The following JAKMIP3 variants were observed in gnomAD, a reference collection of about 807,000 sequenced individuals.
JAKMIP3 encodes the protein janus kinase and microtubule-interacting protein 3.
A neutral mutation model predicts 118.5 loss-of-function variants in JAKMIP3; 58 were observed. The ratio of observed to expected loss-of-function variants is 0.49; its 90% CI spans 0.40 to 0.61. The LOEUF is 0.61. JAKMIP3 is among the 20% of genes least tolerant of loss of function. The probability of loss-of-function intolerance (pLI) is 0.00; values close to 1 mark genes in which losing one functional copy is unlikely to be tolerated. For missense variants in JAKMIP3, 950 were observed against 1,109.0 expected, an observed-to-expected ratio of 0.86 and a Z score of 2.04; for synonymous variants, 486 against 451.2, an observed-to-expected ratio of 1.08 and a Z score of -0.98.
chr10:132,149,392 C>G lies in JAKMIP3; in HGVS notation c.1849-20C>G. 6.5e-7 allele frequency: 1 copy of G among 1,540,310 alleles called. No homozygotes were observed. The highest frequency in any genetic ancestry group is 8.9e-7 in the Non-Finnish European group (1 of 1,126,720). The stretch of plus-strand genomic sequence containing the variant: ...AGGGATGGGAGGGGAGCGGCTCACC[C>G]TTCTGTCCCTCTGTCCTAGGAGAGG... On this transcript the variant is annotated intron_variant, in intron 14 of 23. Transcript: ENST00000684848.
intron 1 of JAKMIP3, among the ~76,000 whole-genome samples, chr10:132,099,681 C>T (rs941002096): frequency 7.9e-5 from 12 of 152,320 alleles, no homozygotes; most frequent in East Asian, 5.8e-4. Context: ...GTGTGTAAGA[C>T]GCCAAGTGCT....
At chr10:132,039,773 G>C in intron 1 of JAKMIP3, among the ~76,000 whole-genome samples, 1 of 151,852 alleles carries the variant, frequency 6.6e-6, no homozygotes, top group East Asian at 1.9e-4. Flanking sequence ...CTCCTCTCTC[G>C]GCCTCCAGCC....
chr10:132,133,584 T>C, intron 4 of JAKMIP3, 57 bp downstream of exon 4: 2 of 1,447,834 alleles, frequency 1.4e-6, no homozygotes, highest in Non-Finnish European at 1.9e-6. Context: ...CCTGGCCATG[T>C]GGCTGCATGG....
chr10:132,117,924 G>A lies in JAKMIP3; in HGVS notation c.633+350G>A, dbSNP rs1052045107. Among the ~76,000 whole-genome samples, 16 of 152,140 alleles carry A rather than the reference G, an allele frequency of 1.1e-4. No individual in the cohort carries two copies. The highest frequency in any genetic ancestry group is 1.5e-5 in the Non-Finnish European group (1 of 68,030). On this transcript the variant is annotated intron_variant, in intron 3 of 23. Transcript: ENST00000684848. This position sits in a 1 kb window ranked among gnomAD's most constrained non-coding sequence, Gnocchi z 8.6. The stretch of plus-strand genomic sequence containing the variant: ...TCGGCACTGCCCATCCACACCGCAG[G>A]GTTCACGGACATCTCTTCTTAGTGT...
At chr10:132,078,141 C>G (rs1228541440) in intron 1 of JAKMIP3, among the ~76,000 whole-genome samples, 1 of 152,150 alleles carries the variant, frequency 6.6e-6, no homozygotes, top group Non-Finnish European at 1.5e-5. Flanking sequence ...CTTTTGTTAC[C>G]TTGTTTGTAA....
intron 1 of JAKMIP3, among the ~76,000 whole-genome samples, chr10:132,088,008 T>C (rs1305728591): frequency 1.3e-5 from 2 of 152,134 alleles, no homozygotes; most frequent in African/African-American, 2.4e-5. Context: ...GTTTCCAGCT[T>C]CATCCATGTC....
chr10:132,141,196 A>C (rs183233652), intron 10 of JAKMIP3, among the ~76,000 whole-genome samples: 1 of 152,310 alleles, frequency 6.6e-6, no homozygotes, highest in Admixed American at 6.5e-5. Flanking sequence ...CTCCCGTGGC[A>C]GACCCTGGAG....
chr10:132,070,060 G>C (rs1207595816), intron 1 of JAKMIP3, among the ~76,000 whole-genome samples: 1 of 152,178 alleles, frequency 6.6e-6, no homozygotes, highest in South Asian at 2.1e-4. Context: ...GTACCACCCT[G>C]TGGGGGCTTC....
chr10:132,133,426 C>G lies in JAKMIP3; in HGVS notation c.748C>G (p.Leu250Val). The change falls in exon 4 of 24, where the codon CTG becomes GTG. Residue 250 changes from leucine to valine, a missense_variant. Transcript: ENST00000684848. ...QLQKEALDEQ[L>V]SQVREADRHP... ...CCAAAAAGAGGCTCTAGATGAGCAG[C>G]TGTCCCAGGTCCGAGAGGCCGACCG... The G allele has an allele frequency of 6.3e-7, 1 of 1,593,178 alleles. No homozygotes were observed. Among genetic ancestry groups the G allele is most frequent in the Non-Finnish European group, 8.5e-7 (1 of 1,170,242 alleles).
chr10:132,082,765 C>T (rs2041940097), intron 1 of JAKMIP3, among the ~76,000 whole-genome samples: 1 of 152,172 alleles, frequency 6.6e-6, no homozygotes, highest in South Asian at 2.1e-4. Flanking sequence ...CGCCTGCCAC[C>T]ATGCCCGGCT....
At chr10:132,039,626 C>G (rs2037653086) in intron 1 of JAKMIP3, among the ~76,000 whole-genome samples, 1 of 152,210 alleles carries the variant, frequency 6.6e-6, no homozygotes, top group African/African-American at 2.4e-5. Context: ...CATCTGTGCA[C>G]TCCAGAGAGG....
rs2048004458 is a variant in JAKMIP3 at position 132,118,121 on chromosome 10, G to C, written c.633+547G>C. 6.6e-6 allele frequency among the ~76,000 whole-genome samples: 1 copy of C among 152,150 alleles called. No individual in the cohort carries two copies. Among genetic ancestry groups the C allele is most frequent in the Non-Finnish European group, 1.5e-5 (1 of 68,026 alleles). On this transcript the variant is annotated intron_variant, in intron 3 of 23. Coordinates refer to ENST00000684848, the MANE Select transcript of JAKMIP3 (RefSeq NM_001323087.2). The surrounding 1 kb of genome is among the most constrained non-coding windows in gnomAD (Gnocchi z 4.8). ...GGGTGGGATGGCCCCCAGCTGCCCT[G>C]AGGTCCCTGTCTCTGCAGAACCGTT...
At chr10:132,103,491 G>A (rs1200465801) in intron 1 of JAKMIP3, among the ~76,000 whole-genome samples, 3 of 133,046 alleles carry the variant, frequency 2.3e-5, no homozygotes, top group Non-Finnish European at 4.8e-5. Context: ...AAGAGCACCT[G>A]GGGGAGAGGA....
rs778944502 is a variant in JAKMIP3 at position 132,104,883 on chromosome 10, C to T, written c.75C>T (p.Asn25=). 2.3e-5 allele frequency: 36 copies of T among 1,575,868 alleles called. No individual in the cohort carries two copies. The highest frequency in any genetic ancestry group is 2.0e-4 in the Admixed American group (11 of 54,648). The change falls in exon 2 of 24, where the codon AAC becomes AAT. Residue 25 remains asparagine (N), a synonymous_variant. Coordinates refer to ENST00000684848, the MANE Select transcript of JAKMIP3 (RefSeq NM_001323087.2). ...CCCTCGCGGCGCTGCAGGCGGCCAA[C>T]GAGGATCTTCGAGCCAAGCTCACAG... The part of the protein sequence containing the change: ...AEALAALQAA[N]EDLRAKLTDI...
chr10:132,161,839 T>TGGGGCA (rs1564986892), intron 19 of JAKMIP3, among the ~76,000 whole-genome samples: 4 of 87,512 alleles, frequency 4.6e-5, no homozygotes, highest in Non-Finnish European at 8.7e-5. Context: ...TGGGTGAAGC[T>TGGGGCA]AGGGGGTCTT....
At chr10:132,149,070 C>A (rs772485972) in intron 14 of JAKMIP3, among the ~76,000 whole-genome samples, 21 of 152,164 alleles carry the variant, frequency 1.4e-4, no homozygotes, top group Non-Finnish European at 1.8e-4. Context: ...GAAGGGGATG[C>A]AACCTGCAGC....
intron 19 of JAKMIP3, among the ~76,000 whole-genome samples, chr10:132,159,832 C>G (rs111473577): frequency 1.0e-3 from 38 of 38,128 alleles, no homozygotes; most frequent in African/African-American, 3.4e-3. Context: ...GGGGCCTCTC[C>G]CTGTGTGATG....
At chr10:132,107,120 C>T (rs1381764657) in intron 2 of JAKMIP3, among the ~76,000 whole-genome samples, 4 of 151,674 alleles carry the variant, frequency 2.6e-5, no homozygotes, top group African/African-American at 9.7e-5. Flanking sequence ...GTCTCAAACT[C>T]CTGGACTCAA....
intron 1 of JAKMIP3, among the ~76,000 whole-genome samples, chr10:132,083,828 C>G (rs2042067305): frequency 6.6e-6 from 1 of 152,158 alleles, no homozygotes; most frequent in Non-Finnish European, 1.5e-5. Flanking sequence ...TGTCAAAGAT[C>G]AGTTGGCTGT....
Sources: gnomAD v4.1 joint callset for allele counts (sites outside exome capture counted in the v4.1 genomes callset) on GRCh38, gnomAD v4.1.1 for gene constraint, Gnocchi (gnomAD v3.1) non-coding constraint, MANE v1.5 for transcripts, NCBI Gene and HGNC (gene_info 2026-07-23, HGNC 2026-07-21) for gene names.